Variants in MKNK2 observed in about 807,000 individuals in gnomAD.
The protein encoded by MKNK2 is MAP kinase-interacting serine/threonine-protein kinase 2.
A neutral mutation model predicts 55.0 loss-of-function variants in MKNK2; 54 were observed. The observed-to-expected ratio is 0.98, with a 90% confidence interval of 0.79 to 1.23. The LOEUF (loss-of-function observed/expected upper bound fraction) is 1.23. Among genes scored for constraint, MKNK2 ranks in the 50% most tolerant of loss-of-function variants. The probability of loss-of-function intolerance (pLI) is 0.00; values close to 1 mark genes in which losing one functional copy is unlikely to be tolerated. For synonymous variants in MKNK2, 323 were observed against 256.0 expected, an observed-to-expected ratio of 1.26 and a Z score of -2.50; for missense variants, 685 against 632.1, an observed-to-expected ratio of 1.08 and a Z score of -0.90.
rs78908729 is a variant in MKNK2 at position 2,037,970 on chromosome 19, C to T, written c.*1643G>A. 8,009 of 1,372,752 alleles carry T rather than the reference C, an allele frequency of 5.8e-3. 360 individuals are homozygous for T. In the African/African-American group the frequency reaches 0.1, roughly 17 times the overall value. 85.0% of individuals were successfully genotyped at this position (1,372,752 alleles called of 1,614,324 possible). ...CAAAAAGGCAGAGAATCCCCCGTTA[C>T]GAAACATGGAATCACTGACAGGCGA... On this transcript the variant is annotated 3_prime_UTR_variant, in exon 14 of 14. Coordinates refer to ENST00000250896, the MANE Select transcript of MKNK2 (RefSeq NM_199054.3).
intron 5 of MKNK2, among the ~76,000 whole-genome samples, chr19:2,045,199 G>A (rs1234738473): frequency 6.6e-6 from 1 of 152,136 alleles, no homozygotes; most frequent in African/African-American, 2.4e-5. Context: ...AAGATGACCA[G>A]GGAGGTGGCT....
intron 2 of MKNK2, among the ~76,000 whole-genome samples, chr19:2,047,280 G>C (rs1236396307): frequency 1.3e-5 from 2 of 152,162 alleles, no homozygotes; most frequent in Non-Finnish European, 2.9e-5. Flanking sequence ...GGTGGGGCAG[G>C]GGTGCTGCTC....
intron 2 of MKNK2, among the ~76,000 whole-genome samples, chr19:2,048,534 C>T (rs2017047735): frequency 6.6e-6 from 1 of 152,100 alleles, no homozygotes; most frequent in African/African-American, 2.4e-5. Context: ...GGGTCCCAGT[C>T]CCAGTGAGGA....
Position 2,039,680 on chromosome 19 carries a change from AGCTTG to A in MKNK2, c.1326_1330del (p.Lys443GlyfsTer31). ...ACTGGCCCTTTGCCGCCGCTGCGCC[AGCTTG>A]GACTGGGAGGGTGGAGACAGCTGCA... On this transcript the variant is annotated frameshift_variant, in exon 14 of 14. Transcript: ENST00000250896. LOFTEE classifies it high-confidence loss of function. 1 of 1,613,226 alleles carries A rather than the reference AGCTTG, an allele frequency of 6.2e-7. No individual in the cohort carries two copies. The highest frequency in any genetic ancestry group is 8.5e-7 in the Non-Finnish European group (1 of 1,179,962).
At position 2,042,753 on chromosome 19, in the gene MKNK2, G is replaced by C; in HGVS notation, c.598+13C>G. 1 of 1,561,170 alleles carries C rather than the reference G, an allele frequency of 6.4e-7. No individual in the cohort carries two copies. The highest frequency in any genetic ancestry group is 2.4e-5 in the East Asian group (1 of 42,408). On this transcript the variant is annotated intron_variant, in intron 8 of 13. Coordinates refer to ENST00000250896, the MANE Select transcript of MKNK2 (RefSeq NM_199054.3). ...GGCGGCCCTAGGAGACTCCGGGCGG[G>C]GTCACCACCTACCTTTGTTATGCAG...
chr19:2,039,813 T>C lies in MKNK2; in HGVS notation c.1198A>G (p.Ile400Val). Residue 400 changes from isoleucine (I) to valine (V), a missense_variant, in exon 14 of 14, where the codon ATT becomes GTT. Ile to Val is a conservative substitution (Grantham distance 29, BLOSUM62 3). Coordinates refer to ENST00000250896, the MANE Select transcript of MKNK2 (RefSeq NM_199054.3). ...KDLTSFAAEA[I>V]AMNRQLAQHD... is the part of the protein sequence containing the mutation. The stretch of plus-strand genomic sequence containing the variant: ...TGGGCCAGCTGCCGGTTCATGGCAA[T>C]GGCCTCAGCCGCGAAGGACGTGAGG... 2 of 1,604,404 alleles carry C rather than the reference T, an allele frequency of 1.2e-6. No individual in the cohort carries two copies. The highest frequency in any genetic ancestry group is 2.7e-5 in the African/African-American group (2 of 75,032).
At position 2,038,732 on chromosome 19, in the gene MKNK2, AG is replaced by A. The variant is rs1342877200; in HGVS notation, c.*880del. The A allele has an allele frequency of 2.0e-6, 2 of 985,574 alleles. No individual in the cohort carries two copies. Among genetic ancestry groups the A allele is most frequent in the Non-Finnish European group, 2.4e-6 (2 of 829,960 alleles). 61.1% of individuals were successfully genotyped at this position (985,574 alleles called of 1,614,324 possible). A position where few individuals can be genotyped will look rare whatever the true frequency, so the allele number is the denominator to read the frequency against. On this transcript the variant is annotated 3_prime_UTR_variant, in exon 14 of 14. Coordinates refer to ENST00000250896, the MANE Select transcript of MKNK2 (RefSeq NM_199054.3). ...TGAGAAGGGGCACTCGGGTGCCCCA[AG>A]GGGGTGTCTTCAGGACCCCCCACAT... is the stretch of plus-strand genomic sequence containing the variant.
chr19:2,050,169 CACCCGGGCTGCGCAG>C (rs1467673390), intron 2 of MKNK2, among the ~76,000 whole-genome samples: 12 of 152,322 alleles, frequency 7.9e-5, no homozygotes, highest in Admixed American at 6.5e-4. Context: ...CAGCAGTCAC[CACCCGGGCTGCGCAG>C]AAACTTCCCG....
chr19:2,039,278 G>A lies in MKNK2; in HGVS notation c.*335C>T, dbSNP rs1029372120. On this transcript the variant is annotated 3_prime_UTR_variant, in exon 14 of 14. Coordinates refer to ENST00000250896, the MANE Select transcript of MKNK2 (RefSeq NM_199054.3). ...AAGCCACGTGGGCAGATGGCGGGCAGCACAGGTGACCTGGGGGCACCTTCA... is the reference window on the plus strand; with the variant it reads ...AAGCCACGTGGGCAGATGGCGGGCAACACAGGTGACCTGGGGGCACCTTCA... 2.6e-6 allele frequency: 3 copies of A among 1,174,976 alleles called. No homozygotes were observed. Among genetic ancestry groups the A allele is most frequent in the South Asian group, 6.1e-5 (2 of 32,736 alleles). The allele number at this position is 1,174,976 out of a possible 1,614,324, so 72.8% of individuals were successfully genotyped here.
intron 2 of MKNK2, among the ~76,000 whole-genome samples, chr19:2,049,906 G>C (rs2017076574): frequency 1.3e-5 from 2 of 152,056 alleles, no homozygotes; most frequent in South Asian, 4.1e-4. Context: ...ACACAAGACA[G>C]AGACACACAC....
At chr19:2,041,755 G>T in intron 11 of MKNK2, 85 bp downstream of exon 11, 1 of 1,187,332 alleles carries the variant, frequency 8.4e-7, no homozygotes, top group Non-Finnish European at 1.1e-6. Context: ...GGTGCGCAGG[G>T]CAGGTCCCCT....
chr19:2,046,044 T>C (rs1434149797), intron 5 of MKNK2, 142 bp downstream of exon 5: 5 of 780,786 alleles, frequency 6.4e-6, no homozygotes, highest in Non-Finnish European at 1.1e-5. Flanking sequence ...CATTCCCGAC[T>C]GGACTCAGGG....
rs544764852 is a variant in MKNK2 at position 2,037,783 on chromosome 19, C to T, written c.*1830G>A. The T allele has an allele frequency of 1.2e-5, 19 of 1,604,450 alleles. No individual in the cohort carries two copies. Among genetic ancestry groups the T allele is most frequent in the Non-Finnish European group, 1.5e-5 (18 of 1,175,552 alleles). The stretch of plus-strand genomic sequence containing the variant: ...GTTCTGACCAGTCCTCCAGGTCGCA[C>T]GTGGATGCGACAGGGGTGGGGAGGG... On this transcript the variant is annotated 3_prime_UTR_variant, in exon 14 of 14. Transcript: ENST00000250896.
chr19:2,040,245 G>A (rs2016847428), intron 12 of MKNK2, 68 bp from the exon 13 acceptor site: 2 of 1,338,020 alleles, frequency 1.5e-6, no homozygotes, highest in Non-Finnish European at 1.0e-6. Flanking sequence ...TGGGTGGGGT[G>A]TCTGGCCAAG....
In MKNK2 at chr19:2,038,598, C is replaced by T. The variant is rs981017624; in HGVS notation, c.*1015G>A. On this transcript the variant is annotated 3_prime_UTR_variant, in exon 14 of 14. Transcript: ENST00000250896. The stretch of plus-strand genomic sequence containing the variant: ...CCCTGGGGGTGAGGATTCGGCCAGA[C>T]CCCGGGGTCTGGGCTCAGCTCTAAG... 28 of 985,214 alleles carry T rather than the reference C, an allele frequency of 2.8e-5. No homozygotes were observed. The highest frequency in any genetic ancestry group is 1.2e-4 in the Admixed American group (2 of 16,248). The allele number at this position is 985,214 out of a possible 1,614,324, so 61.0% of individuals were successfully genotyped here. A position where few individuals can be genotyped will look rare whatever the true frequency, so the allele number is the denominator to read the frequency against.
Position 2,037,903 on chromosome 19 carries a change from G to T in MKNK2, c.*1710C>A. The T allele has an allele frequency of 6.9e-7, 1 of 1,446,846 alleles. No homozygotes were observed. 89.6% of individuals were successfully genotyped at this position (1,446,846 alleles called of 1,614,324 possible). A position where few individuals can be genotyped will look rare whatever the true frequency, so the allele number is the denominator to read the frequency against. ...AGCTTTAGAGACCCGATGGCTATGG[G>T]CGCCTGCAGCGGGCGGGGGTCCATT... On this transcript the variant is annotated 3_prime_UTR_variant, in exon 14 of 14. Coordinates refer to ENST00000250896, the MANE Select transcript of MKNK2 (RefSeq NM_199054.3).
intron 5 of MKNK2, among the ~76,000 whole-genome samples, chr19:2,044,382 G>A (rs2016955999): frequency 6.6e-6 from 1 of 152,190 alleles, no homozygotes; most frequent in Admixed American, 6.5e-5. Context: ...GCCTCCCTGA[G>A]CCCCAGAGCC....
At chr19:2,045,523 T>A (rs2016977604) in intron 5 of MKNK2, among the ~76,000 whole-genome samples, 1 of 152,026 alleles carries the variant, frequency 6.6e-6, no homozygotes, top group African/African-American at 2.4e-5. Flanking sequence ...ACCCCTCTTC[T>A]TCCTCCTTCT....
chr19:2,043,100 T>TCACA, intron 7 of MKNK2, 24 bp downstream of exon 7: 2 of 1,599,380 alleles, frequency 1.3e-6, no homozygotes, highest in Non-Finnish European at 1.7e-6. Context: ...CCCTCCCTCC[T>TCACA]CACAGCCTGG....
Sources: gnomAD v4.1 joint callset for allele counts (sites outside exome capture counted in the v4.1 genomes callset) on GRCh38, gnomAD v4.1.1 for gene constraint, MANE v1.5 for transcripts, NCBI Gene and HGNC (gene_info 2026-07-23, HGNC 2026-07-21) for gene names.